The following TTLL7 variants were observed in gnomAD, a reference collection of about 807,000 sequenced individuals.
The protein encoded by TTLL7 is tubulin tyrosine ligase like 7, also known as tubulin polyglutamylase TTLL7.
TTLL7 carries 53 observed loss-of-function variants against 120.2 expected under a neutral mutation model. That is an observed-to-expected ratio of 0.44 (90% CI 0.35 to 0.55). The LOEUF (loss-of-function observed/expected upper bound fraction) is 0.55, where lower values mean the gene tolerates loss of function less well. TTLL7 is among the 20% of genes least tolerant of loss of function. The pLI is 0.00. For missense variants in TTLL7, 803 were observed against 1,054.7 expected (o/e 0.76, Z 3.31); for synonymous variants, 353 against 351.7 (o/e 1.00, Z -0.04).
chr1:83,892,328 G>GAA lies in TTLL7; in HGVS notation c.2209-1848_2209-1847insTT, dbSNP rs1436565804. On this transcript the variant is annotated intron_variant, in intron 18 of 20. Coordinates refer to ENST00000260505, the MANE Select transcript of TTLL7 (RefSeq NM_024686.6). ...TATACGAATATATATGAATATATAT[G>GAA]TATATATGAATATATATACGAATAT... Among the ~76,000 whole-genome samples, 86 of 26,762 alleles carry GAA rather than the reference G, an allele frequency of 3.2e-3. 9 individuals are homozygous for GAA. Among genetic ancestry groups the GAA allele is most frequent in the Middle Eastern group, 0.025 (1 of 40 alleles). 17.6% of individuals were successfully genotyped at this position (26,762 alleles called of 152,430 possible).
intron 19 of TTLL7, among the ~76,000 whole-genome samples, chr1:83,886,878 C>T (rs964690650): frequency 1.3e-5 from 2 of 152,042 alleles, no homozygotes; most frequent in African/African-American, 4.8e-5. Flanking sequence ...CATAGAACCT[C>T]AGACTTCCTC....
chr1:83,912,220 A>G (rs1657742451), intron 14 of TTLL7, among the ~76,000 whole-genome samples: 1 of 152,152 alleles, frequency 6.6e-6, no homozygotes, highest in South Asian at 2.1e-4. Flanking sequence ...CTAATAGAGA[A>G]TGGAAGATCT....
chr1:83,884,339 A>G (rs1421530160), intron 19 of TTLL7, among the ~76,000 whole-genome samples: 4 of 151,910 alleles, frequency 2.6e-5, no homozygotes, highest in Non-Finnish European at 5.9e-5. Flanking sequence ...CTGGAAGTAA[A>G]CTTACCAATG....
intron 1 of TTLL7, among the ~76,000 whole-genome samples, chr1:83,996,131 T>G (rs1571428193): frequency 6.6e-6 from 1 of 152,204 alleles, no homozygotes; most frequent in African/African-American, 2.4e-5. Context: ...GAGGGTGTTT[T>G]TTTCCTTTTT....
At chr1:83,997,854 T>C (rs913845486) in intron 1 of TTLL7, among the ~76,000 whole-genome samples, 1 of 152,232 alleles carries the variant, frequency 6.6e-6, no homozygotes, top group Non-Finnish European at 1.5e-5. Context: ...CTGCCAAAAA[T>C]GTGCTGAACA....
chr1:83,876,850 C>A (rs1290706551), intron 20 of TTLL7, among the ~76,000 whole-genome samples: 1 of 151,764 alleles, frequency 6.6e-6, no homozygotes, highest in Non-Finnish European at 1.5e-5. Flanking sequence ...CAATCATATC[C>A]ACTTACTGAG....
chr1:83,912,788 G>C (rs1032191802), intron 14 of TTLL7: 34 of 152,172 alleles, frequency 2.2e-4, no homozygotes, highest in Non-Finnish European at 4.4e-5. Context: ...TGCTCCTTCT[G>C]ATGGTCTAAT....
rs1652808229 is a variant in TTLL7 at position 83,989,733 on chromosome 1, G to A, written c.-177+9198C>T. Among the ~76,000 whole-genome samples, 5 of 152,244 alleles carry A rather than the reference G, an allele frequency of 3.3e-5. No individual in the cohort carries two copies. In the South Asian group the frequency reaches 1.0e-3, roughly 32 times the overall value. On this transcript the variant is annotated intron_variant, in intron 1 of 20. Coordinates refer to ENST00000260505, the MANE Select transcript of TTLL7 (RefSeq NM_024686.6). ...AAAAATGACTTTGGTAGCTTGATAA[G>A]TATAGCACTGAATCTGTAGACTGCT...
chr1:83,933,915 A>T (rs1340185532), intron 8 of TTLL7, 149 bp from the exon 9 acceptor site: 5 of 672,906 alleles, frequency 7.4e-6, no homozygotes, highest in Non-Finnish European at 9.8e-6. Flanking sequence ...TTCATTCTTC[A>T]CTCTTACCCC....
At chr1:83,988,181 C>T (rs2100634795) in intron 1 of TTLL7, among the ~76,000 whole-genome samples, 1 of 152,332 alleles carries the variant, frequency 6.6e-6, no homozygotes, top group South Asian at 2.1e-4. Flanking sequence ...TAATGGCCTC[C>T]AGCTGCATCC....
rs1462544395 is a variant in TTLL7, at chr1:83,883,089, G to T, written c.2417C>A (p.Pro806His). The T allele has an allele frequency of 1.2e-6, 2 of 1,611,770 alleles. No homozygotes were observed. Among genetic ancestry groups the T allele is most frequent in the Non-Finnish European group, 1.7e-6 (2 of 1,178,780 alleles). The change falls in exon 20 of 21, where the codon CCT becomes CAT. Residue 806 changes from proline (P) to histidine (H), a missense_variant. This residue lies in a region of TTLL7 where 388 missense variants were observed against 450.4 expected (regional missense o/e 0.86). Transcript: ENST00000260505. ...IFNKSPEVVT[P>H]LQLQCCQRLV... ...GCGCTGGCAACACTGGAGCTGCAAAGGAGTCACCACCTCCGGGCTTTTATT... is the reference window on the plus strand; with the variant it reads ...GCGCTGGCAACACTGGAGCTGCAAATGAGTCACCACCTCCGGGCTTTTATT...
rs112303737 is a variant in TTLL7 at position 83,892,123 on chromosome 1, CT to C, written c.2209-1643del. Among the ~76,000 whole-genome samples, 23 of 151,536 alleles carry C rather than the reference CT, an allele frequency of 1.5e-4. 1 individual carries two copies. The East Asian group carries it at 3.5e-3, about 23-fold the overall frequency. On this transcript the variant is annotated intron_variant, in intron 18 of 20. Transcript: ENST00000260505. ...AGATTACAGGCATGCGTCATCACCC[CT>C]GGCCATGATACGCTTGTAATAGAAG...
At chr1:83,930,044 C>T (rs1053789305) in intron 9 of TTLL7, among the ~76,000 whole-genome samples, 30 of 152,056 alleles carry the variant, frequency 2.0e-4, no homozygotes, top group Non-Finnish European at 4.1e-4. Flanking sequence ...AAGAAATTAC[C>T]CAGGAATACA....
intron 8 of TTLL7, among the ~76,000 whole-genome samples, chr1:83,935,588 T>C (rs1647310218): frequency 6.6e-6 from 1 of 152,096 alleles, no homozygotes; most frequent in Non-Finnish European, 1.5e-5. Context: ...CTTGATTTTC[T>C]ACTGATTTTT....
chr1:83,973,206 T>C (rs994239089), intron 1 of TTLL7, among the ~76,000 whole-genome samples: 4 of 152,104 alleles, frequency 2.6e-5, no homozygotes, highest in African/African-American at 9.7e-5. Flanking sequence ...ACTTTTGCAT[T>C]GTACATTTAG....
In TTLL7 at chr1:83,865,860, C is replaced by T. The variant is rs1316503749; in HGVS notation, c.*4102G>A. On this transcript the variant is annotated 3_prime_UTR_variant, in exon 21 of 21. Coordinates refer to ENST00000260505, the MANE Select transcript of TTLL7 (RefSeq NM_024686.6). ...TGTTAATACAAAGGTCAAAATTTCA[C>T]CTTTGAACTAAAAAAGAAATAAAGA... 1 of 151,844 alleles carries T rather than the reference C, an allele frequency of 6.6e-6. No individual in the cohort carries two copies. Among genetic ancestry groups the T allele is most frequent in the East Asian group, 1.9e-4 (1 of 5,200 alleles). 9.4% of individuals were successfully genotyped at this position (151,844 alleles called of 1,614,324 possible).
intron 12 of TTLL7, among the ~76,000 whole-genome samples, chr1:83,920,869 GACCTCCTACAACC>G (rs1658590194): frequency 6.6e-6 from 1 of 151,996 alleles, no homozygotes; most frequent in South Asian, 2.1e-4. Flanking sequence ...AGGTTAAAAA[GACCTCCTACAACC>G]ACCCAGAGGC....
intron 1 of TTLL7, among the ~76,000 whole-genome samples, chr1:83,962,547 T>C (rs1028447431): frequency 5.3e-5 from 8 of 152,168 alleles, no homozygotes; most frequent in African/African-American, 1.9e-4. Flanking sequence ...AACTAGCTCC[T>C]TACCTAACAG....
chr1:83,925,632 A>C (rs1488956287), intron 10 of TTLL7, among the ~76,000 whole-genome samples: 1 of 152,004 alleles, frequency 6.6e-6, no homozygotes, highest in East Asian at 1.9e-4. Flanking sequence ...GTCAAGTATA[A>C]CTCCCAGCTT....
Sources: allele counts gnomAD v4.1 joint callset (sites outside exome capture counted in the v4.1 genomes callset), GRCh38; gene constraint gnomAD v4.1.1; regional missense constraint gnomAD v4.1.1; transcripts MANE v1.5; gene names NCBI Gene and HGNC (gene_info 2026-07-23, HGNC 2026-07-21).